Variants in SRGAP3 observed in about 807,000 individuals in gnomAD.
SRGAP3 encodes the protein SLIT-ROBO Rho GTPase activating protein 3, also known as SLIT-ROBO Rho GTPase-activating protein 3.
SRGAP3 carries 39 observed loss-of-function variants against 121.1 expected under a neutral mutation model. The observed-to-expected ratio is 0.32, with a 90% CI of 0.25 to 0.42. The LOEUF (loss-of-function observed/expected upper bound fraction) is 0.42, where lower values mean the gene tolerates loss of function less well. Among genes scored for constraint, SRGAP3 ranks in the 10% least tolerant of loss-of-function variants. SRGAP3 has a pLI of 1.00. For synonymous variants in SRGAP3, 601 were observed against 570.0 expected, an observed-to-expected ratio of 1.05 and a Z score of -0.77; for missense variants, 1,213 against 1,470.6, an observed-to-expected ratio of 0.82 and a Z score of 2.86.
At chr3:9,311,395 G>A (rs1955242640) in intron 3 of SRGAP3, among the ~76,000 whole-genome samples, 1 of 152,162 alleles carries the variant, frequency 6.6e-6, no homozygotes, top group South Asian at 2.1e-4. Flanking sequence ...GGACAACTTG[G>A]GAAGGAAACT....
At position 9,291,996 on chromosome 3, in the gene SRGAP3, T is replaced by C. The variant is rs1426863769; in HGVS notation, n.442+34014A>G. On this transcript the variant is annotated intron_variant and non_coding_transcript_variant, in intron 3 of 3. Transcript: ENST00000490889. ...TGGCTGTTTCTCATTAAAGCCCTAC[T>C]AGGATCAAACTGAGTGTTTTCCCAT... Among the ~76,000 whole-genome samples the C allele has an allele frequency of 2.1e-4, 32 of 152,158 alleles. 1 individual carries two copies. The highest frequency in any genetic ancestry group is 2.9e-4 in the Non-Finnish European group (20 of 68,026).
intron 1 of SRGAP3, among the ~76,000 whole-genome samples, chr3:9,143,162 C>T (rs1275671755): frequency 2.0e-5 from 3 of 152,072 alleles, no homozygotes; most frequent in African/African-American, 7.2e-5. Flanking sequence ...TCTAACATAC[C>T]TCTGTTCCCT....
chr3:9,051,575 A>G (rs1945578887), intron 9 of SRGAP3, among the ~76,000 whole-genome samples: 1 of 152,196 alleles, frequency 6.6e-6, no homozygotes, highest in African/African-American at 2.4e-5. Context: ...AGGCCTGGTT[A>G]ATGGCAGCAT....
At chr3:9,299,359 CAAAAA>C (rs35608018) in intron 3 of SRGAP3, among the ~76,000 whole-genome samples, 3 of 91,252 alleles carry the variant, frequency 3.3e-5, no homozygotes, top group South Asian at 3.4e-4. Context: ...GACTCCGTCC[CAAAAA>C]AAAAAAAAAA....
intron 1 of SRGAP3, among the ~76,000 whole-genome samples, chr3:9,139,754 T>C (rs1949784740): frequency 6.6e-6 from 1 of 152,158 alleles, no homozygotes; most frequent in Non-Finnish European, 1.5e-5. Flanking sequence ...AATTACAGAG[T>C]ACAGTCTAAA....
At chr3:9,038,929 C>G (rs903910931) in intron 10 of SRGAP3, among the ~76,000 whole-genome samples, 1 of 152,130 alleles carries the variant, frequency 6.6e-6, no homozygotes, top group Non-Finnish European at 1.5e-5. Context: ...ATTTCTCCTT[C>G]CAGCTACATC....
intron 10 of SRGAP3, among the ~76,000 whole-genome samples, chr3:9,046,512 G>A (rs1245632360): frequency 6.6e-6 from 1 of 152,206 alleles, no homozygotes; most frequent in African/African-American, 2.4e-5. Context: ...GTGGTATAAG[G>A]CCTCATGTGC....
chr3:9,027,508 C>T (rs949089372), intron 12 of SRGAP3, among the ~76,000 whole-genome samples: 2 of 152,192 alleles, frequency 1.3e-5, no homozygotes. Context: ...ACCAGTTCTA[C>T]TCATGAAGTC....
chr3:9,290,064 T>C (rs898236938), intron 3 of SRGAP3, among the ~76,000 whole-genome samples: 11 of 152,140 alleles, frequency 7.2e-5, no homozygotes, highest in South Asian at 4.2e-4. Flanking sequence ...CGAGCTGAGA[T>C]TGTGCCACTG....
chr3:9,202,109 G>C (rs1378969710), intron 1 of SRGAP3, among the ~76,000 whole-genome samples: 1 of 152,138 alleles, frequency 6.6e-6, no homozygotes, highest in African/African-American at 2.4e-5. Context: ...GCTATTTGTG[G>C]GGCTATAACA....
At chr3:9,314,196 G>A (rs9853112) in intron 3 of SRGAP3, among the ~76,000 whole-genome samples, 206 of 152,322 alleles carry the variant, frequency 1.4e-3, no homozygotes, top group African/African-American at 4.6e-3. Flanking sequence ...GTAAAGGCAT[G>A]TAGGAGAATA....
intron 12 of SRGAP3, 90 bp from the exon 13 acceptor site, chr3:9,027,085 G>T: frequency 1.8e-6 from 2 of 1,135,164 alleles, no homozygotes; most frequent in African/African-American, 1.5e-5. Flanking sequence ...ACTCAAGCCA[G>T]AATATTAGTA....
intron 3 of SRGAP3, 44 bp from the exon 4 acceptor site, chr3:9,080,131 G>A: frequency 6.2e-7 from 1 of 1,603,662 alleles, no homozygotes; most frequent in South Asian, 1.1e-5. Context: ...GAAGTTTGCT[G>A]GCTACATTTA....
chr3:9,039,675 C>T (rs1322340610), intron 10 of SRGAP3, among the ~76,000 whole-genome samples: 1 of 146,836 alleles, frequency 6.8e-6, no homozygotes, highest in Non-Finnish European at 1.5e-5. Flanking sequence ...CAACCCTAAT[C>T]TACTCTCTGT....
chr3:9,012,755 A>G (rs1409821357), intron 17 of SRGAP3, among the ~76,000 whole-genome samples: 1 of 152,210 alleles, frequency 6.6e-6, no homozygotes, highest in Non-Finnish European at 1.5e-5. Flanking sequence ...AAAGCATTGC[A>G]TCTCCTTACC....
rs553121221 is a variant in SRGAP3, at chr3:9,085,397, GT to G, written c.424-5311del. ...ATTAGTTCAACCATTGTGGAAGACAGTGTGGCAATTCCTCAAAGATCTAAAG... is the reference window on the plus strand; with the variant it reads ...ATTAGTTCAACCATTGTGGAAGACAGGTGGCAATTCCTCAAAGATCTAAAG... On this transcript the variant is annotated intron_variant, in intron 3 of 21. Transcript: ENST00000383836. Among the ~76,000 whole-genome samples, 80 of 152,324 alleles carry G rather than the reference GT, an allele frequency of 5.3e-4. 1 individual carries two copies. In the East Asian group the frequency reaches 0.014, roughly 28 times the overall value.
At chr3:9,026,750 T>A (rs935630077) in intron 13 of SRGAP3, among the ~76,000 whole-genome samples, 185 bp downstream of exon 13, 1 of 152,190 alleles carries the variant, frequency 6.6e-6, no homozygotes, top group Non-Finnish European at 1.5e-5. Context: ...ATGATCTCCA[T>A]CCCTCAACAC....
At position 8,982,594 on chromosome 3, in the gene SRGAP3, T is replaced by TA. The variant is rs529240810; in HGVS notation, c.*2924dup. The TA allele has an allele frequency of 1.2e-4, 26 of 223,862 alleles. No individual in the cohort carries two copies. The highest frequency in any genetic ancestry group is 7.7e-4 in the East Asian group (12 of 15,488). 13.9% of individuals were successfully genotyped at this position (223,862 alleles called of 1,614,324 possible). ...GCAAATACAGCAATATATAGTGGAC[T>TA]AAAACAGGCAGGAGTCAGAAAGAGA... On this transcript the variant is annotated 3_prime_UTR_variant, in exon 22 of 22. Coordinates refer to ENST00000383836, the MANE Select transcript of SRGAP3 (RefSeq NM_014850.4).
At chr3:9,066,458 A>C (rs1575013597) in intron 4 of SRGAP3, among the ~76,000 whole-genome samples, 1 of 152,152 alleles carries the variant, frequency 6.6e-6, no homozygotes, top group African/African-American at 2.4e-5. Context: ...TTGTCATTTG[A>C]AGTGCTGTGA....
Sources: gnomAD v4.1 joint callset for allele counts (sites outside exome capture counted in the v4.1 genomes callset) on GRCh38, gnomAD v4.1.1 for gene constraint, MANE v1.5 for transcripts, NCBI Gene and HGNC (gene_info 2026-07-23, HGNC 2026-07-21) for gene names.